NEMP2: variants seen among roughly 807,000 people sequenced by gnomAD.
NEMP2 encodes nuclear envelope integral membrane protein 2, also known as UPF0571 transmembrane protein.
NEMP2 carries 53 observed loss-of-function variants against 54.2 expected under a neutral mutation model. That is an observed-to-expected ratio of 0.98 (90% CI 0.78 to 1.23). The LOEUF (loss-of-function observed/expected upper bound fraction) is 1.23, where lower values mean the gene tolerates loss of function less well. Among genes scored for constraint, NEMP2 ranks in the 50% most tolerant of loss-of-function variants. The pLI, the probability that NEMP2 is intolerant of heterozygous loss-of-function variation, is 0.00. For missense variants in NEMP2, 455 were observed against 511.3 expected (o/e 0.89, Z 1.06); for synonymous variants, 197 against 190.3 (o/e 1.04, Z -0.29).
the NEMP2 span, chr2:190,628,388 G>A: frequency 6.6e-6 from 1 of 152,140 alleles, no homozygotes; most frequent in Admixed American, 6.5e-5. The surrounding 1 kb of genome is among the most constrained non-coding windows in gnomAD (Gnocchi z 4.1). Flanking sequence ...ACCCTCAAAG[G>A]AAGGAAACCT....
the NEMP2 span, among the ~76,000 whole-genome samples, chr2:190,544,579 A>T: frequency 6.6e-6 from 1 of 152,166 alleles, no homozygotes; most frequent in Non-Finnish European, 1.5e-5. Flanking sequence ...TATGATTCTG[A>T]AGCAAATATT....
chr2:190,534,700 G>A lies in NEMP2; in HGVS notation c.-45C>T, dbSNP rs1420927741. 2.4e-6 allele frequency: 3 copies of A among 1,231,106 alleles called. No individual in the cohort carries two copies. The highest frequency in any genetic ancestry group is 1.0e-6 in the Non-Finnish European group (1 of 980,808). 76.3% of individuals were successfully genotyped at this position (1,231,106 alleles called of 1,614,324 possible). The stretch of plus-strand genomic sequence containing the variant: ...GTGCGACCCGAGCCCTAGGGGACCG[G>A]CTCCGCTGCGAGGAGCGGAAGTGGC... On this transcript the variant is annotated 5_prime_UTR_variant, in exon 1 of 9. Transcript: ENST00000409150.
At position 190,525,814 on chromosome 2, in the gene NEMP2, GAT is replaced by G. The variant is rs1165801009; in HGVS notation, c.98-438_98-437del. ...AATTATGGAATTAATTCAGTTTAGA[GAT>G]ATTGGATTCTTATATTGGTAAGGGA... On this transcript the variant is annotated intron_variant, in intron 1 of 8. Transcript: ENST00000409150. The surrounding 1 kb of genome is among the most constrained non-coding windows in gnomAD (Gnocchi z 5.0). 6.6e-6 allele frequency among the ~76,000 whole-genome samples: 1 copy of G among 152,162 alleles called. No individual in the cohort carries two copies. The highest frequency in any genetic ancestry group is 1.5e-5 in the Non-Finnish European group (1 of 68,028).
At chr2:190,582,530 A>T in the NEMP2 span, among the ~76,000 whole-genome samples, 19 of 152,354 alleles carry the variant, frequency 1.2e-4, no homozygotes, top group Non-Finnish European at 2.5e-4. This position sits in a 1 kb window ranked among gnomAD's most constrained non-coding sequence, Gnocchi z 4.6. Context: ...ATTTGGACAT[A>T]GACCTTAAAA....
At chr2:190,615,969 C>T in the NEMP2 span, among the ~76,000 whole-genome samples, 1 of 152,158 alleles carries the variant, frequency 6.6e-6, no homozygotes, top group Admixed American at 6.5e-5. This position sits in a 1 kb window ranked among gnomAD's most constrained non-coding sequence, Gnocchi z 4.7. Flanking sequence ...CTCACCAGGC[C>T]CATTCCCTCC....
At chr2:190,492,726 G>A in the NEMP2 span, among the ~76,000 whole-genome samples, 9 of 151,940 alleles carry the variant, frequency 5.9e-5, no homozygotes, top group African/African-American at 2.2e-4. The surrounding 1 kb of genome is among the most constrained non-coding windows in gnomAD (Gnocchi z 5.2). Flanking sequence ...GAAAGATACA[G>A]TCTTTTTCAG....
At chr2:190,503,691 GC>G (rs1690115554), downstream of NEMP2, among the ~76,000 whole-genome samples, 1 of 152,202 alleles carries the variant, frequency 6.6e-6, no homozygotes. The surrounding 1 kb of genome is among the most constrained non-coding windows in gnomAD (Gnocchi z 6.3). Flanking sequence ...TACTTCTGAA[GC>G]CCCAAACCAC....
Position 190,533,367 on chromosome 2 carries a change from T to C in NEMP2, c.97+1192A>G, listed in dbSNP as rs985290521. ...GTATTTCTTACTACCAAACCTTCGT[T>C]TTCTCATCTGTAAAATGGGTATAAA... is the stretch of plus-strand genomic sequence containing the variant. On this transcript the variant is annotated intron_variant, in intron 1 of 8. Coordinates refer to ENST00000409150, the MANE Select transcript of NEMP2 (RefSeq NM_001142645.2). The surrounding 1 kb of genome is among the most constrained non-coding windows in gnomAD (Gnocchi z 4.3). Among the ~76,000 whole-genome samples the C allele has an allele frequency of 3.3e-5, 5 of 152,206 alleles. No individual in the cohort carries two copies. Among genetic ancestry groups the C allele is most frequent in the Admixed American group, 3.3e-4 (5 of 15,282 alleles).
chr2:190,633,613 C>T, the NEMP2 span, among the ~76,000 whole-genome samples: 1 of 152,108 alleles, frequency 6.6e-6, no homozygotes, highest in East Asian at 1.9e-4. Flanking sequence ...TGCGCCCAGC[C>T]CATATTCAAC....
the NEMP2 span, among the ~76,000 whole-genome samples, chr2:190,430,188 T>C: frequency 2.0e-5 from 3 of 151,058 alleles, no homozygotes; most frequent in African/African-American, 7.3e-5. Context: ...ATCCTTTTTA[T>C]GGCTGCATAG....
At chr2:190,476,298 A>G in the NEMP2 span, among the ~76,000 whole-genome samples, 20,337 of 152,100 alleles carry the variant, frequency 0.13, 1,652 homozygotes, top group Middle Eastern at 0.21. Flanking sequence ...AAATTTTTGC[A>G]ATCTACTCAT....
chr2:190,527,606 G>C lies in NEMP2; in HGVS notation c.98-2228C>G, dbSNP rs962105746. Among the ~76,000 whole-genome samples, 1 of 152,048 alleles carries C rather than the reference G, an allele frequency of 6.6e-6. No individual in the cohort carries two copies. Among genetic ancestry groups the C allele is most frequent in the Non-Finnish European group, 1.5e-5 (1 of 68,004 alleles). ...CCAAGATGCAAATACAAGAATCCAG[G>C]TGAAAAGCCAGTAAAAACCACAAGA... On this transcript the variant is annotated intron_variant, in intron 1 of 8. Transcript: ENST00000409150. This position sits in a 1 kb window ranked among gnomAD's most constrained non-coding sequence, Gnocchi z 4.0.
the NEMP2 span, among the ~76,000 whole-genome samples, chr2:190,423,964 A>G: frequency 2.6e-5 from 4 of 152,014 alleles, no homozygotes; most frequent in African/African-American, 9.7e-5. This position sits in a 1 kb window ranked among gnomAD's most constrained non-coding sequence, Gnocchi z 4.3. Context: ...ATGTCCCTTC[A>G]CGTTTTTTGT....
At chr2:190,449,812 A>G in the NEMP2 span, among the ~76,000 whole-genome samples, 15 of 152,198 alleles carry the variant, frequency 9.9e-5, no homozygotes, top group East Asian at 2.9e-3. Context: ...GGAACTGAAC[A>G]ATGAGAACAC....
the NEMP2 span, among the ~76,000 whole-genome samples, chr2:190,552,146 G>C: frequency 6.6e-6 from 1 of 152,120 alleles, no homozygotes; most frequent in South Asian, 2.1e-4. Flanking sequence ...CCAGTAAATA[G>C]CTGTTGCTGT....
chr2:190,486,365 G>A, the NEMP2 span, among the ~76,000 whole-genome samples: 1 of 152,160 alleles, frequency 6.6e-6, no homozygotes, highest in South Asian at 2.1e-4. Flanking sequence ...AATACGTTAG[G>A]GGAGCCCTCT....
the NEMP2 span, among the ~76,000 whole-genome samples, chr2:190,592,867 T>G: frequency 6.6e-6 from 1 of 152,222 alleles, no homozygotes; most frequent in African/African-American, 2.4e-5. This position sits in a 1 kb window ranked among gnomAD's most constrained non-coding sequence, Gnocchi z 4.4. Flanking sequence ...TACTTCTGTA[T>G]TAAGAGTAAT....
the NEMP2 span, chr2:190,648,292 C>G: frequency 1.3e-5 from 2 of 152,448 alleles, no homozygotes; most frequent in African/African-American, 4.8e-5. Context: ...CCTCCCGTCC[C>G]AACGCCAGAG....
At chr2:190,643,291 T>C in the NEMP2 span, among the ~76,000 whole-genome samples, 5 of 152,202 alleles carry the variant, frequency 3.3e-5, no homozygotes, top group African/African-American at 9.6e-5. Flanking sequence ...GAATGGGAGT[T>C]AGGGAAAGCA....
Sources: gnomAD v4.1 joint callset for allele counts (sites outside exome capture counted in the v4.1 genomes callset) on GRCh38, gnomAD v4.1.1 for gene constraint, Gnocchi (gnomAD v3.1) non-coding constraint, MANE v1.5 for transcripts, NCBI Gene and HGNC (gene_info 2026-07-23, HGNC 2026-07-21) for gene names.